Variants in TTN observed in about 807,000 individuals in gnomAD.
The protein encoded by TTN is titin, also known as connectin.
Under a neutral mutation model 3,223.0 loss-of-function variants are expected in TTN, and 1,525 were observed. That is an observed-to-expected ratio of 0.47 (90% CI 0.45 to 0.49). The LOEUF is 0.49. Among genes scored for constraint, TTN ranks in the 20% least tolerant of loss-of-function variants. The pLI, the probability that TTN is intolerant of heterozygous loss-of-function variation, is 0.00. For synonymous variants in TTN, 14,094 were observed against 15,161.0 expected, an observed-to-expected ratio of 0.93 and a Z score of 5.17; for missense variants, 40,786 against 43,424.0, an observed-to-expected ratio of 0.94 and a Z score of 5.40.
rs1560518462 is a variant in TTN at position 178,704,924 on chromosome 2, A to C, written c.29647T>G (p.Phe9883Val). The C allele has an allele frequency of 6.2e-7, 1 of 1,613,306 alleles. No individual in the cohort carries two copies. The highest frequency in any genetic ancestry group is 8.5e-7 in the Non-Finnish European group (1 of 1,179,774). Residue 9883 changes from phenylalanine (F) to valine (V), a missense_variant, in exon 104 of 363, where the codon TTT becomes GTT. Phe to Val is a conservative substitution (Grantham distance 50). Transcript: ENST00000589042. ...IERSERDEKE[F>V]EELVSFIQQR... ...TGAATAAATGATACAAGTTCCTCAA[A>C]TTCCTTTTCGTCCCTCTCTGACCTC...
chr2:178,679,635 G>A lies in TTN; in HGVS notation c.33628C>T (p.Pro11210Ser). 6.2e-7 allele frequency: 1 copy of A among 1,611,830 alleles called. No homozygotes were observed. The highest frequency in any genetic ancestry group is 8.5e-7 in the Non-Finnish European group (1 of 1,179,116). Residue 11210 changes from proline (P) to serine (S), a missense_variant, in exon 141 of 363, where the codon CCT (proline) becomes TCT (serine). By Grantham distance (74) the Pro-to-Ser change is moderately conservative. Transcript: ENST00000589042. ...KPVPEEKKPV[P>S]VPKKKEAPPA... Reference sequence around the variant, plus strand: ...GGAGCTTCCTTCTTCTTGGGAACAGGAACAGGTTTCTTCTCTTCTGGAACA... The same window carrying A: ...GGAGCTTCCTTCTTCTTGGGAACAGAAACAGGTTTCTTCTCTTCTGGAACA...
intron 149 of TTN, 38 bp downstream of exon 149, chr2:178,675,633 C>A: frequency 7.4e-7 from 1 of 1,356,710 alleles, no homozygotes; most frequent in Non-Finnish European, 9.5e-7. Context: ...AGTTCAACAT[C>A]GGTGCAGCAA....
chr2:178,688,711 T>C lies in TTN; in HGVS notation c.32163A>G (p.Ala10721=), dbSNP rs1382635970. ...GCGTGACTTCCACTCTTTGAGGAAC[T>C]GCGAAGGATAGTTTTTCTTCAGCAA... ...RFVAEEKLSF[A]VPQRVEVTRH... Residue 10721 remains alanine (A), a synonymous_variant, in exon 126 of 363, where the codon GCA becomes GCG. Coordinates refer to ENST00000589042, the MANE Select transcript of TTN (RefSeq NM_001267550.2). 2.5e-6 allele frequency: 4 copies of C among 1,613,880 alleles called. No individual in the cohort carries two copies. The highest frequency in any genetic ancestry group is 3.4e-6 in the Non-Finnish European group (4 of 1,179,742).
At position 178,723,462 on chromosome 2, in the gene TTN, T is replaced by G. The variant is rs794729623; in HGVS notation, c.21638A>C (p.Asn7213Thr). ...QSGEYTCVVS[N>T]NAGQASCTTR... ...AGTGCAAGATGCTTGGCCAGCGTTG[T>G]TAGAAACCACACAGGTGTATTCCCC... The change falls in exon 74 of 363, where the codon AAC becomes ACC. Residue 7213 changes from asparagine (N) to threonine (T), a missense_variant. Asn to Thr is a moderately conservative substitution (Grantham distance 65). Transcript: ENST00000589042. 7 of 1,613,204 alleles carry G rather than the reference T, an allele frequency of 4.3e-6. No individual in the cohort carries two copies. The highest frequency in any genetic ancestry group is 4.0e-5 in the African/African-American group (3 of 74,910).
Position 178,785,947 on chromosome 2 carries a change from G to T in TTN, c.2271C>A (p.Pro757=). 1 of 1,614,110 alleles carries T rather than the reference G, an allele frequency of 6.2e-7. No homozygotes were observed. Among genetic ancestry groups the T allele is most frequent in the South Asian group, 1.1e-5 (1 of 91,070 alleles). Residue 757 remains proline, a synonymous_variant, in exon 14 of 363, where the codon CCC becomes CCA. Transcript: ENST00000589042. ...AEPPQRPASE[P]HVVPKAVKPR... is the part of the protein sequence containing the mutation. Reference sequence around the variant, plus strand: ...GCTTGACTGCTTTAGGGACAACGTGGGGTTCTGAGGCTGGACGTTGGGGAG... The same window carrying T: ...GCTTGACTGCTTTAGGGACAACGTGTGGTTCTGAGGCTGGACGTTGGGGAG...
chr2:178,528,702 T>C lies in TTN; in HGVS notation c.107049A>G (p.Glu35683=), dbSNP rs1390069717. ...AATCATACTGACACTTGACGATTCC[T>C]TCCTTGGTTTTGCTTATGCAGGTGA... The part of the protein sequence containing the change: ...GILTCISKTK[E]GIVKCQYDLT... Residue 35683 remains glutamate (E), a synonymous_variant, in exon 360 of 363, where the codon GAA becomes GAG. Transcript: ENST00000589042. 3 of 1,613,670 alleles carry C rather than the reference T, an allele frequency of 1.9e-6. No individual in the cohort carries two copies. Among genetic ancestry groups the C allele is most frequent in the South Asian group, 1.1e-5 (1 of 91,014 alleles).
intron 92 of TTN, 89 bp downstream of exon 92, chr2:178,713,808 A>T: frequency 1.4e-6 from 2 of 1,473,584 alleles, no homozygotes; most frequent in South Asian, 2.8e-5. Context: ...ATGTTATCCT[A>T]TAGAAGATGT....
Position 178,549,358 on chromosome 2 carries a change from A to G in TTN, c.92268T>C (p.Leu30756=), listed in dbSNP as rs777720958. Residue 30756 remains leucine (L), a synonymous_variant, in exon 339 of 363, where the codon CTT becomes CTC. Coordinates refer to ENST00000589042, the MANE Select transcript of TTN (RefSeq NM_001267550.2). ...DGGSEIQQYI[L]ERREKKSTRW... is the part of the protein sequence containing the mutation. ...TTGTGCTTTTCTTTTCTCTTCTTTC[A>G]AGGATATACTGTTGAATTTCACTGC... is the stretch of plus-strand genomic sequence containing the variant. 1 of 1,613,730 alleles carries G rather than the reference A, an allele frequency of 6.2e-7. No individual in the cohort carries two copies.
chr2:178,607,481 C>T lies in TTN; in HGVS notation c.53207G>A (p.Arg17736Gln), dbSNP rs766817830. The change falls in exon 277 of 363, where the codon CGA becomes CAA. Residue 17736 changes from arginine to glutamine, a missense_variant. Transcript: ENST00000589042. ...AATCACATATCTGCCATGGTCTTTT[C>T]GCAGTGCATCCTTGATAATTAGTTC... The part of the protein sequence containing the change: ...KSELIIKDAL[R>Q]KDHGRYVITA... 43 of 1,613,112 alleles carry T rather than the reference C, an allele frequency of 2.7e-5. No homozygotes were observed. The highest frequency in any genetic ancestry group is 3.3e-4 in the Middle Eastern group (2 of 6,076).
intron 85 of TTN, 45 bp from the exon 86 acceptor site, chr2:178,718,266 A>T: frequency 1.3e-6 from 2 of 1,595,816 alleles, no homozygotes; most frequent in Non-Finnish European, 1.7e-6. Context: ...CATGCCATGT[A>T]AAAGAGGATG....
At position 178,613,240 on chromosome 2, in the gene TTN, G is replaced by A. The variant is rs1376374803; in HGVS notation, c.49569C>T (p.Phe16523=). ...KGLTNKKKYR[F]RVLAENLAGP... is the part of the protein sequence containing the mutation. The stretch of plus-strand genomic sequence containing the variant: ...CAGCAAGATTTTCAGCCAACACACG[G>A]AATCTGTATTTTTTCTTATTAGTGA... Residue 16523 remains phenylalanine (F), a synonymous_variant, in exon 264 of 363, where the codon TTC becomes TTT. Coordinates refer to ENST00000589042, the MANE Select transcript of TTN (RefSeq NM_001267550.2). 1.2e-6 allele frequency: 2 copies of A among 1,611,262 alleles called. No homozygotes were observed. Among genetic ancestry groups the A allele is most frequent in the Non-Finnish European group, 1.7e-6 (2 of 1,178,770 alleles).
Position 178,718,619 on chromosome 2 carries a change from T to G in TTN, c.24506-19A>C. 1.2e-6 allele frequency: 2 copies of G among 1,604,264 alleles called. No homozygotes were observed. Among genetic ancestry groups the G allele is most frequent in the Non-Finnish European group, 1.7e-6 (2 of 1,174,700 alleles). ...GCTGGTTCTATAAGGAGAAAACATG[T>G]GGGTAAAATTCTTGCCTTCTAATGA... On this transcript the variant is annotated intron_variant, in intron 84 of 362. Coordinates refer to ENST00000589042, the MANE Select transcript of TTN (RefSeq NM_001267550.2).
rs1258191015 is a variant in TTN at position 178,701,039 on chromosome 2, A to T, written c.30682+81T>A. On this transcript the variant is annotated intron_variant, in intron 111 of 362. Coordinates refer to ENST00000589042, the MANE Select transcript of TTN (RefSeq NM_001267550.2). ...TCCACCTCTTGACCACTAGAGGGCC[A>T]ATGCGTTGTATTAAGCAACATTTTT... is the stretch of plus-strand genomic sequence containing the variant. 164 of 1,320,988 alleles carry T rather than the reference A, an allele frequency of 1.2e-4. 4 individuals carry two copies. The South Asian group carries it at 2.1e-3, about 17-fold the overall frequency. The allele number at this position is 1,320,988 out of a possible 1,614,324, so 81.8% of individuals were successfully genotyped here.
rs766276741 is a variant in TTN at position 178,588,010 on chromosome 2, T to C, written c.63397A>G (p.Thr21133Ala). 5 of 1,612,804 alleles carry C rather than the reference T, an allele frequency of 3.1e-6. No homozygotes were observed. The highest frequency in any genetic ancestry group is 4.2e-6 in the Non-Finnish European group (5 of 1,179,376). ...AQLVRKEFTV[T>A]SLDENQEYEF... is the part of the protein sequence containing the mutation. Reference sequence around the variant, plus strand: ...TATTCCTGGTTTTCATCCAAGCTGGTAACAGTGAATTCCTTGCGTACAAGC... The same window carrying C: ...TATTCCTGGTTTTCATCCAAGCTGGCAACAGTGAATTCCTTGCGTACAAGC... The change falls in exon 305 of 363, where the codon ACC becomes GCC. Residue 21133 changes from threonine (T) to alanine (A), a missense_variant. Physicochemically the swap from Thr to Ala is moderately conservative, Grantham distance 58 (BLOSUM62 0). Coordinates refer to ENST00000589042, the MANE Select transcript of TTN (RefSeq NM_001267550.2).
chr2:178,743,028 A>G (rs928129322), intron 47 of TTN: 2 of 152,076 alleles, frequency 1.3e-5, no homozygotes, highest in Admixed American at 6.6e-5. Context: ...ATTAATGGTG[A>G]TCACTTAACT....
Position 178,768,802 on chromosome 2 carries a change from C to T in TTN, c.9034G>A (p.Asp3012Asn). Reference protein sequence around the residue: ...LKNGVEIKSTDKCQMRTKKLT... With the variant: ...LKNGVEIKSTNKCQMRTKKLT... Reference sequence around the variant, plus strand: ...TTTTTGGTTCTCATCTGGCACTTGTCAGTTGATTTGATTTCCACACCATTC... The same window carrying T: ...TTTTTGGTTCTCATCTGGCACTTGTTAGTTGATTTGATTTCCACACCATTC... Residue 3012 changes from aspartate to asparagine, a missense_variant, in exon 38 of 363, where the codon GAC becomes AAC. Asp to Asn is a conservative substitution (Grantham distance 23). Coordinates refer to ENST00000589042, the MANE Select transcript of TTN (RefSeq NM_001267550.2). 6.2e-7 allele frequency: 1 copy of T among 1,613,986 alleles called. No homozygotes were observed. Among genetic ancestry groups the T allele is most frequent in the East Asian group, 2.2e-5 (1 of 44,842 alleles).
chr2:178,690,310 A>G (rs546950226), intron 121 of TTN, among the ~76,000 whole-genome samples: 1 of 152,224 alleles, frequency 6.6e-6, no homozygotes, highest in African/African-American at 2.4e-5. Context: ...ACTAAGACTA[A>G]GAAGTCTTAG....
chr2:178,776,728 TAAGG>T lies in TTN; in HGVS notation c.5132_5135del (p.Ser1711Ter). 1 of 1,614,090 alleles carries T rather than the reference TAAGG, an allele frequency of 6.2e-7. No individual in the cohort carries two copies. Among genetic ancestry groups the T allele is most frequent in the Non-Finnish European group, 8.5e-7 (1 of 1,180,014 alleles). On this transcript the variant is annotated frameshift_variant, in exon 28 of 363. Coordinates refer to ENST00000589042, the MANE Select transcript of TTN (RefSeq NM_001267550.2). LOFTEE classifies it high-confidence loss of function. The stretch of plus-strand genomic sequence containing the variant: ...GGGCAGGCCCAAAGCGCTTAAGTCT[TAAGG>T]AAGTGAGTTTTTTCTTGAAAAATGG...
rs913650930 is a variant in TTN, at chr2:178,663,873, C to T, written c.36394G>A (p.Glu12132Lys). ...VPEASKEVIR[E>K]EKVPLAPPKE... is the part of the protein sequence containing the mutation. ...GGAGGAGCCAAGGGCACTTTCTCTT[C>T]GCGGATAACCTCTTTGGAAGCTTCT... Residue 12132 changes from glutamate (E) to lysine (K), a missense_variant, in exon 170 of 363, where the codon GAA (glutamate) becomes AAA (lysine). Glu to Lys is a moderately conservative substitution (Grantham distance 56). Coordinates refer to ENST00000589042, the MANE Select transcript of TTN (RefSeq NM_001267550.2). 5.6e-6 allele frequency: 9 copies of T among 1,613,178 alleles called. No individual in the cohort carries two copies. Among genetic ancestry groups the T allele is most frequent in the African/African-American group, 2.7e-5 (2 of 74,872 alleles).
Sources: gnomAD v4.1 joint callset for allele counts (sites outside exome capture counted in the v4.1 genomes callset) on GRCh38, gnomAD v4.1.1 for gene constraint, MANE v1.5 for transcripts, NCBI Gene and HGNC (gene_info 2026-07-23, HGNC 2026-07-21) for gene names.